Variants in KDM6A observed in about 807,000 individuals in gnomAD.
The protein encoded by KDM6A is lysine demethylase 6A.
Under a neutral mutation model 117.6 loss-of-function variants are expected in KDM6A, and 11 were observed. The ratio of observed to expected loss-of-function variants is 0.09; its 90% confidence interval spans 0.06 to 0.15. The LOEUF is 0.15. KDM6A is among the 10% of genes least tolerant of loss of function. KDM6A has a pLI of 1.00. For synonymous variants in KDM6A, 384 were observed against 396.1 expected, an observed-to-expected ratio of 0.97 and a Z score of 0.36; for missense variants, 799 against 1,077.3, an observed-to-expected ratio of 0.74 and a Z score of 3.62.
intron 2 of KDM6A, among the ~76,000 whole-genome samples, chrX:44,923,561 T>C (rs1456138048): frequency 1.0e-5 from 1 of 96,453 alleles, no homozygotes; most frequent in African/African-American, 3.8e-5. Context: ...TTTTTTTTTT[T>C]TGAGACAGAG....
At chrX:45,048,882 CAA>C (rs1423926884) in intron 8 of KDM6A, among the ~76,000 whole-genome samples, 3 of 110,128 alleles carry the variant, frequency 2.7e-5, no homozygotes, top group East Asian at 5.6e-4. Context: ...AAGATAAACT[CAA>C]GTTACTTTTT....
chrX:44,896,122 A>G (rs2033828958), intron 2 of KDM6A, among the ~76,000 whole-genome samples: 1 of 106,408 alleles, frequency 9.4e-6, no homozygotes, highest in Non-Finnish European at 1.9e-5. Flanking sequence ...CACCCAGGCT[A>G]GAGTGCAGTG....
At chrX:44,952,163 C>G (rs1021026692) in intron 2 of KDM6A, among the ~76,000 whole-genome samples, 16 of 111,077 alleles carry the variant, frequency 1.4e-4, no homozygotes, top group Non-Finnish European at 2.4e-4. Flanking sequence ...TTGAATGATG[C>G]TTGTTTACTC....
In KDM6A at chrX:44,993,643, G is replaced by A. The variant is rs752810104; in HGVS notation, c.385-17318G>A. On this transcript the variant is annotated intron_variant, in intron 4 of 29. Coordinates refer to ENST00000611820, the MANE Select transcript of KDM6A (RefSeq NM_001291415.2). ...AATGTCTTTTAAAAGCTCTCCTCGCGGATCACGAGGTCAAGAGATCGAGAC... is the reference window on the plus strand; with the variant it reads ...AATGTCTTTTAAAAGCTCTCCTCGCAGATCACGAGGTCAAGAGATCGAGAC... Among the ~76,000 whole-genome samples, 6 of 111,232 alleles carry A rather than the reference G, an allele frequency of 5.4e-5. No homozygotes were observed. The East Asian group carries it at 1.4e-3, about 26-fold the overall frequency.
chrX:45,031,222 G>A (rs774204057), intron 6 of KDM6A, among the ~76,000 whole-genome samples: 6 of 111,568 alleles, frequency 5.4e-5, no homozygotes, highest in African/African-American at 2.0e-4. Flanking sequence ...CTGTTATGGA[G>A]TTGTCTTTCC....
chrX:45,009,475 G>C (rs913948756), intron 4 of KDM6A, among the ~76,000 whole-genome samples: 2 of 111,422 alleles, frequency 1.8e-5, no homozygotes, highest in Non-Finnish European at 3.8e-5. Flanking sequence ...TTATCAGCAA[G>C]GTCTTTGTGA....
intron 3 of KDM6A, among the ~76,000 whole-genome samples, chrX:44,963,465 G>GTC (rs2038805118): frequency 3.2e-5 from 1 of 31,297 alleles, no homozygotes; most frequent in African/African-American, 7.8e-5. Context: ...GTGTGTGTGT[G>GTC]TGTGTGTGTG....
chrX:44,942,693 A>AG (rs900223940), intron 2 of KDM6A, among the ~76,000 whole-genome samples: 2 of 109,550 alleles, frequency 1.8e-5, no homozygotes, highest in Non-Finnish European at 3.8e-5. Flanking sequence ...AATAAAAATT[A>AG]GGGGGGATTG....
At chrX:44,895,877 T>C (rs866538521) in intron 2 of KDM6A, among the ~76,000 whole-genome samples, 1 of 107,952 alleles carries the variant, frequency 9.3e-6, no homozygotes. Flanking sequence ...TATCTTAATA[T>C]ATTTTAGGAT....
intron 3 of KDM6A, among the ~76,000 whole-genome samples, chrX:44,970,472 TCA>T (rs1231334947): frequency 9.0e-6 from 1 of 111,561 alleles, no homozygotes; most frequent in East Asian, 2.8e-4. Context: ...TTCTTATACT[TCA>T]GTTTTATTTG....
chrX:44,939,308 G>A (rs906187197), intron 2 of KDM6A, among the ~76,000 whole-genome samples: 1 of 112,368 alleles, frequency 8.9e-6, no homozygotes, highest in Non-Finnish European at 1.9e-5. Flanking sequence ...TTTGGGAGAA[G>A]TTGATTTCAA....
In KDM6A at chrX:45,089,937, T is replaced by C; in HGVS notation, c.3892+7T>C. ...AATGTTGGTCCACTTACAGGTATTA[T>C]AAAGAATATGCTTTAAAAAAGTTAA... is the stretch of plus-strand genomic sequence containing the variant. On this transcript the variant is annotated splice_region_variant and intron_variant, in intron 26 of 29. Transcript: ENST00000611820. The C allele has an allele frequency of 2.5e-6, 3 of 1,196,165 alleles. No individual in the cohort carries two copies. The Middle Eastern group carries it at 7.0e-4, about 278-fold the overall frequency.
chrX:45,019,405 C>CT (rs754773990), intron 5 of KDM6A, among the ~76,000 whole-genome samples: 1 of 111,955 alleles, frequency 8.9e-6, no homozygotes, highest in East Asian at 2.8e-4. Flanking sequence ...GCAATAAACA[C>CT]TACCTTTTAG....
chrX:45,009,103 T>G (rs1433545241), intron 4 of KDM6A, among the ~76,000 whole-genome samples: 1 of 112,148 alleles, frequency 8.9e-6, no homozygotes, highest in Non-Finnish European at 1.9e-5. Flanking sequence ...CCAGGTTGGA[T>G]CTCACGCAAG....
chrX:44,896,639 T>C (rs75976247), intron 2 of KDM6A, among the ~76,000 whole-genome samples: 1 of 98,552 alleles, frequency 1.0e-5, no homozygotes, highest in Admixed American at 1.1e-4. Context: ...TTTTTTTTTT[T>C]TCAGACAGCT....
chrX:45,004,359 CG>C (rs1338280631), intron 4 of KDM6A, among the ~76,000 whole-genome samples: 3 of 111,467 alleles, frequency 2.7e-5, no homozygotes, highest in African/African-American at 9.8e-5. Context: ...AGGTAGAAAA[CG>C]TAAGTTTTGT....
chrX:45,081,940 G>A (rs904529720), intron 21 of KDM6A, among the ~76,000 whole-genome samples: 8 of 108,954 alleles, frequency 7.3e-5, no homozygotes, highest in Middle Eastern at 4.7e-3. Context: ...CCCCATGCCC[G>A]GCTAATTTTT....
rs767666350 is a variant in KDM6A, at chrX:45,078,423, C to T, written c.3012C>T (p.Phe1004=). The T allele has an allele frequency of 8.3e-7, 1 of 1,209,305 alleles. No homozygotes were observed. Among genetic ancestry groups the T allele is most frequent in the Non-Finnish European group, 1.1e-6 (1 of 894,461 alleles). ...SIYLENKRDA[F]FPPLHQFCTN... ...AGTTGGAAAATAAACGTGATGCTTT[C>T]TTTCCTCCATTACATCAATTTTGTA... Residue 1004 remains phenylalanine (F), a synonymous_variant, in exon 20 of 30, where the codon TTC becomes TTT. Transcript: ENST00000611820.
intron 9 of KDM6A, 65 bp downstream of exon 9, chrX:45,051,867 G>T (rs2043866917): frequency 1.6e-6 from 1 of 629,976 alleles, no homozygotes. Context: ...CATGTCGAGT[G>T]TGGCAAATAT....
Sources: gnomAD v4.1 joint callset for allele counts (sites outside exome capture counted in the v4.1 genomes callset) on GRCh38, gnomAD v4.1.1 for gene constraint, MANE v1.5 for transcripts, NCBI Gene and HGNC (gene_info 2026-07-23, HGNC 2026-07-21) for gene names.